PHF8: variants seen among roughly 807,000 people sequenced by gnomAD.
PHF8 encodes histone lysine demethylase PHF8.
Under a neutral mutation model 74.4 loss-of-function variants are expected in PHF8, and 9 were observed. The observed-to-expected ratio is 0.12, with a 90% confidence interval of 0.07 to 0.21. The LOEUF (loss-of-function observed/expected upper bound fraction) is 0.21, where lower values mean the gene tolerates loss of function less well. Ranked by LOEUF, PHF8 falls within the 10% of genes least tolerant of loss-of-function variation. PHF8 has a pLI of 1.00. For missense variants in PHF8, 478 were observed against 816.6 expected (o/e 0.59, Z 5.05); for synonymous variants, 311 against 316.6 (o/e 0.98, Z 0.19).
At chrX:53,952,528 T>C (rs1265181386) in intron 19 of PHF8, among the ~76,000 whole-genome samples, 2 of 111,865 alleles carry the variant, frequency 1.8e-5, no homozygotes, top group African/African-American at 6.5e-5. Context: ...GTGACAGTAA[T>C]AGCATAAAAG....
Position 53,992,844 on chromosome X carries a change from A to T in PHF8, c.1627-5T>A. On this transcript the variant is annotated splice_polypyrimidine_tract_variant and splice_region_variant and intron_variant, in intron 13 of 21. Coordinates refer to ENST00000338154, the MANE Select transcript of PHF8 (RefSeq NM_015107.3). Reference sequence around the variant, plus strand: ...GCAGGCACCAGTGATGTTGAACTGTAGAAGTAGGAGACTCAGCCGTTACCT... The same window carrying T: ...GCAGGCACCAGTGATGTTGAACTGTTGAAGTAGGAGACTCAGCCGTTACCT... 8.9e-7 allele frequency: 1 copy of T among 1,126,211 alleles called. No individual in the cohort carries two copies. 92.8% of individuals were successfully genotyped at this position (1,126,211 alleles called of 1,213,427 possible).
At chrX:53,991,200 A>G (rs1250539701) in intron 14 of PHF8, among the ~76,000 whole-genome samples, 1 of 112,291 alleles carries the variant, frequency 8.9e-6, no homozygotes, top group Non-Finnish European at 1.9e-5. Context: ...AACAGCTTTT[A>G]TTTTATTCTT....
intron 19 of PHF8, among the ~76,000 whole-genome samples, chrX:53,956,877 C>G (rs1326210212): frequency 1.8e-5 from 2 of 111,111 alleles, no homozygotes; most frequent in African/African-American, 6.6e-5. Flanking sequence ...TAAATTAAAT[C>G]AATGAGATAC....
chrX:53,937,821 C>T lies in PHF8; in HGVS notation c.*1337G>A. On this transcript the variant is annotated 3_prime_UTR_variant, in exon 22 of 22. Coordinates refer to ENST00000338154, the MANE Select transcript of PHF8 (RefSeq NM_015107.3). ...AGGTGGAAAGGGCAAGGGTACACTC[C>T]ACTTGGGTAGTGCCAAATGGAGGTG... 2.1e-6 allele frequency: 1 copy of T among 471,282 alleles called. No individual in the cohort carries two copies. The highest frequency in any genetic ancestry group is 3.7e-6 in the Non-Finnish European group (1 of 270,188). The allele number at this position is 471,282 out of a possible 1,213,427, so 38.8% of individuals were successfully genotyped here. A position where few individuals can be genotyped will look rare whatever the true frequency, so the allele number is the denominator to read the frequency against.
At chrX:53,943,369 C>G in intron 20 of PHF8, 1 of 895,259 alleles carries the variant, frequency 1.1e-6, no homozygotes. Flanking sequence ...CTGTATTATC[C>G]TGAGTCAGTT....
intron 1 of PHF8, chrX:54,043,271 C>A: frequency 4.6e-6 from 1 of 215,376 alleles, no homozygotes; most frequent in Non-Finnish European, 6.8e-6. Flanking sequence ...TGAAATAGGG[C>A]CAACCAGAGA....
intron 7 of PHF8, 150 bp downstream of exon 7, chrX:54,014,227 T>C: frequency 2.1e-6 from 1 of 474,658 alleles, no homozygotes; most frequent in Non-Finnish European, 3.8e-6. Flanking sequence ...AGTGCTGGGA[T>C]TACAGGCGTG....
intron 11 of PHF8, 40 bp from the exon 12 acceptor site, chrX:53,995,822 A>G: frequency 1.2e-6 from 1 of 857,885 alleles, no homozygotes; most frequent in Non-Finnish European, 1.7e-6. Flanking sequence ...CCACACATAA[A>G]GAGACAACTG....
In PHF8 at chrX:53,977,289, C is replaced by T. The variant is rs191166926; in HGVS notation, c.2443+7625G>A. Among the ~76,000 whole-genome samples, 972 of 111,948 alleles carry T rather than the reference C, an allele frequency of 8.7e-3. 7 individuals are homozygous for T. Among genetic ancestry groups the T allele is most frequent in the Admixed American group, 0.014 (144 of 10,599 alleles). On this transcript the variant is annotated intron_variant, in intron 18 of 21. Coordinates refer to ENST00000338154, the MANE Select transcript of PHF8 (RefSeq NM_015107.3). ...GGCAGAGGTTGCAGTGAGCCGAGAT[C>T]GTGCCACTGCACTCCAGCCTGGGTG...
At position 53,944,219 on chromosome X, in the gene PHF8, T is replaced by A; in HGVS notation, c.2564A>T (p.Lys855Met). The change falls in exon 20 of 22, where the codon AAG (lysine) becomes ATG (methionine). Residue 855 changes from lysine (K) to methionine (M), a missense_variant. This residue lies in a region of PHF8 where 35 missense variants were observed against 78.8 expected (regional missense o/e 0.44). Transcript: ENST00000338154. ...PKARVTPTLP[K>M]QDRPVREGTR... ...CCCCTCACGCACAGGACGGTCCTGCTTCGGCAGAGTTGGGGTCACGCGGGC... is the reference window on the plus strand; with the variant it reads ...CCCCTCACGCACAGGACGGTCCTGCATCGGCAGAGTTGGGGTCACGCGGGC... 1 of 1,208,801 alleles carries A rather than the reference T, an allele frequency of 8.3e-7. No homozygotes were observed.
At chrX:54,037,243 G>T (rs781995546) in intron 2 of PHF8, among the ~76,000 whole-genome samples, 12 of 111,117 alleles carry the variant, frequency 1.1e-4, no homozygotes, top group Non-Finnish European at 2.1e-4. Flanking sequence ...AATTTTTTTT[G>T]TTTGTTTGTT....
At chrX:54,020,019 C>G (rs782627701) in intron 4 of PHF8, among the ~76,000 whole-genome samples, 3 of 109,614 alleles carry the variant, frequency 2.7e-5, no homozygotes, top group Non-Finnish European at 5.7e-5. Flanking sequence ...AACCCCGTCT[C>G]TACTAAAAAT....
chrX:54,042,091 T>A (rs1438435670), intron 2 of PHF8, among the ~76,000 whole-genome samples: 2 of 110,525 alleles, frequency 1.8e-5, no homozygotes, highest in African/African-American at 6.6e-5. Flanking sequence ...TCTCCAGAGG[T>A]CGGGAGTTCC....
intron 2 of PHF8, among the ~76,000 whole-genome samples, chrX:54,033,150 C>T (rs1185506892): frequency 9.0e-6 from 1 of 110,795 alleles, no homozygotes; most frequent in Non-Finnish European, 1.9e-5. Context: ...TTTCTGCCAC[C>T]GGAGCGCAGT....
intron 14 of PHF8, 86 bp downstream of exon 14, chrX:53,992,650 C>T: frequency 1.8e-6 from 1 of 563,690 alleles, no homozygotes; most frequent in Non-Finnish European, 3.1e-6. Context: ...ATGTCCCAAC[C>T]CCTAGATTCC....
At chrX:53,945,025 A>AAAT (rs781910595) in intron 19 of PHF8, among the ~76,000 whole-genome samples, 13 of 108,273 alleles carry the variant, frequency 1.2e-4, no homozygotes, top group African/African-American at 3.4e-4. Flanking sequence ...CTGTCTCAAA[A>AAAT]AATAATAATA....
chrX:53,965,176 C>T (rs1044316608), intron 18 of PHF8, among the ~76,000 whole-genome samples: 4 of 111,868 alleles, frequency 3.6e-5, no homozygotes, highest in African/African-American at 6.5e-5. Flanking sequence ...CACACACACA[C>T]ACGCACGCAC....
At chrX:54,003,636 G>A (rs141509276) in intron 8 of PHF8, among the ~76,000 whole-genome samples, 109 of 111,974 alleles carry the variant, frequency 9.7e-4, no homozygotes, top group East Asian at 6.2e-3. Flanking sequence ...CAGCCTCAGC[G>A]ACAGGCATGA....
At chrX:54,042,514 T>C (rs1181013779) in intron 2 of PHF8, 117 bp downstream of exon 2, 9 of 610,415 alleles carry the variant, frequency 1.5e-5, no homozygotes, top group Non-Finnish European at 2.4e-5. Context: ...TGGCAGAACC[T>C]GAGTCTGGGA....
Sources: allele counts gnomAD v4.1 joint callset (sites outside exome capture counted in the v4.1 genomes callset), GRCh38; gene constraint gnomAD v4.1.1; regional missense constraint gnomAD v4.1.1; transcripts MANE v1.5; gene names NCBI Gene and HGNC (gene_info 2026-07-23, HGNC 2026-07-21).